The following MYO10 variants were observed in gnomAD, a reference collection of about 807,000 sequenced individuals.
The protein encoded by MYO10 is unconventional myosin-X.
Under a neutral mutation model 257.3 loss-of-function variants are expected in MYO10, and 133 were observed. The observed-to-expected ratio is 0.52, with a 90% CI of 0.45 to 0.60. The LOEUF (loss-of-function observed/expected upper bound fraction) is 0.60, where lower values mean the gene tolerates loss of function less well. Ranked by LOEUF, MYO10 falls within the 20% of genes least tolerant of loss-of-function variation. MYO10 has a pLI of 0.00. For synonymous variants in MYO10, 1,104 were observed against 1,028.6 expected (o/e 1.07, Z -1.40); for missense variants, 2,399 against 2,635.7 (o/e 0.91, Z 1.97).
At chr5:16,771,647 A>T (rs1028489112) in intron 9 of MYO10, among the ~76,000 whole-genome samples, 11 of 150,658 alleles carry the variant, frequency 7.3e-5, no homozygotes, top group African/African-American at 2.7e-4. Flanking sequence ...TGGTGTGATC[A>T]AGGCTCACTG....
intron 3 of MYO10, among the ~76,000 whole-genome samples, chr5:16,805,430 G>A (rs1020773004): frequency 7.8e-6 from 1 of 128,580 alleles, no homozygotes. Context: ...CTGCACTCTA[G>A]CCCGGGCAAC....
intron 9 of MYO10, among the ~76,000 whole-genome samples, chr5:16,774,745 T>A (rs1741166367): frequency 6.6e-6 from 1 of 152,148 alleles, no homozygotes; most frequent in Admixed American, 6.5e-5. Flanking sequence ...TCAAGTAATA[T>A]TATATTATTT....
chr5:16,888,323 G>A (rs1327325434), intron 1 of MYO10, among the ~76,000 whole-genome samples: 1 of 150,092 alleles, frequency 6.7e-6, no homozygotes, highest in Non-Finnish European at 1.5e-5. Context: ...GAGCCTCAGA[G>A]TTCAAGACCA....
At chr5:16,823,050 A>G (rs1742876532) in intron 2 of MYO10, among the ~76,000 whole-genome samples, 1 of 152,108 alleles carries the variant, frequency 6.6e-6, no homozygotes, top group African/African-American at 2.4e-5. Flanking sequence ...TTCTTAAGAG[A>G]GATTCTTGAA....
At chr5:16,690,880 A>G (rs943334623) in intron 27 of MYO10, among the ~76,000 whole-genome samples, 13 of 152,200 alleles carry the variant, frequency 8.5e-5, no homozygotes, top group African/African-American at 2.9e-4. Flanking sequence ...ATCAGGGTAA[A>G]ACAGCAGCAG....
chr5:16,778,107 C>A (rs1251439513), intron 9 of MYO10, among the ~76,000 whole-genome samples: 1 of 152,016 alleles, frequency 6.6e-6, no homozygotes, highest in African/African-American at 2.4e-5. Context: ...GCCTCACCCT[C>A]CCAAAGTGCT....
chr5:16,718,109 G>A (rs969206061), intron 19 of MYO10, among the ~76,000 whole-genome samples: 1 of 152,256 alleles, frequency 6.6e-6, no homozygotes, highest in African/African-American at 2.4e-5. Flanking sequence ...AGTGGCTGCG[G>A]AGGGTGTACT....
chr5:16,893,475 A>C (rs1161905909), intron 1 of MYO10, among the ~76,000 whole-genome samples: 8 of 151,638 alleles, frequency 5.3e-5, no homozygotes, highest in African/African-American at 1.9e-4. Context: ...CTCTACTAAG[A>C]ATACAAAAAT....
At chr5:16,917,583 G>A (rs1441914505) in intron 1 of MYO10, among the ~76,000 whole-genome samples, 1 of 152,008 alleles carries the variant, frequency 6.6e-6, no homozygotes, top group Admixed American at 6.6e-5. Context: ...GCAGGACATG[G>A]TGGGTCATGC....
intron 2 of MYO10, among the ~76,000 whole-genome samples, chr5:16,858,774 A>G (rs985917560): frequency 9.2e-5 from 14 of 152,124 alleles, no homozygotes; most frequent in East Asian, 7.7e-4. Context: ...CCTGGCCAAC[A>G]CGGTGAAACC....
chr5:16,773,814 T>C (rs972194806), intron 9 of MYO10, among the ~76,000 whole-genome samples: 10 of 134,730 alleles, frequency 7.4e-5, no homozygotes, highest in African/African-American at 2.4e-4. Context: ...AATGAACAAA[T>C]GTGTTTACTA....
intron 2 of MYO10, among the ~76,000 whole-genome samples, chr5:16,874,278 G>A (rs1744530369): frequency 7.1e-6 from 1 of 141,252 alleles, no homozygotes; most frequent in Non-Finnish European, 1.5e-5. Flanking sequence ...AGCTTGCAGT[G>A]AGCCGAGATC....
chr5:16,747,875 T>C (rs1027931287), intron 19 of MYO10, among the ~76,000 whole-genome samples: 32 of 125,028 alleles, frequency 2.6e-4, no homozygotes, highest in Middle Eastern at 7.2e-3. Context: ...GCCGAGATCG[T>C]GCCACTGCAC....
In MYO10 at chr5:16,666,749, G is replaced by T. The variant is rs969491126; in HGVS notation, c.6120C>A (p.Ile2040=). ...AKLMKAYISM[I]VKKRYSTTRS... ...GTGTCGTGCTGTAGCGCTTCTTCAC[G>T]ATCATGCTGATGTAGGCTTTCATGA... is the stretch of plus-strand genomic sequence containing the variant. Residue 2040 remains isoleucine (I), a synonymous_variant, in exon 41 of 41, where the codon ATC becomes ATA. Transcript: ENST00000513610. The T allele has an allele frequency of 1.2e-6, 2 of 1,608,166 alleles. No individual in the cohort carries two copies. Among genetic ancestry groups the T allele is most frequent in the Admixed American group, 1.7e-5 (1 of 59,594 alleles).
At position 16,702,572 on chromosome 5, in the gene MYO10, GCTCT is replaced by G. The variant is rs757225427; in HGVS notation, c.2523_2526del (p.Arg841SerfsTer33). On this transcript the variant is annotated frameshift_variant, in exon 24 of 41. Transcript: ENST00000513610. LOFTEE classifies it high-confidence loss of function. ...TGGGCGCGGAGCTCGGCTTCTCTTC[GCTCT>G]CTCTCTCTTTCTCTAAAAATAGTAA... The G allele has an allele frequency of 5.0e-6, 8 of 1,586,704 alleles. No individual in the cohort carries two copies. Among genetic ancestry groups the G allele is most frequent in the South Asian group, 2.3e-5 (2 of 86,496 alleles).
intron 4 of MYO10, among the ~76,000 whole-genome samples, chr5:16,788,778 T>C (rs1010301502): frequency 6.6e-6 from 1 of 151,726 alleles, no homozygotes; most frequent in African/African-American, 2.4e-5. Context: ...TGGGGCGCCA[T>C]GGTGGGGGGC....
chr5:16,736,839 CGGGATTTGTTTTGGCTCAGCAAAG>C (rs1339708154), intron 19 of MYO10, among the ~76,000 whole-genome samples: 1 of 152,116 alleles, frequency 6.6e-6, no homozygotes. Context: ...CATAATCCAG[CGGGATTTGTTTTGGCTCAGCAAAG>C]GGGATTTGTT....
intron 19 of MYO10, among the ~76,000 whole-genome samples, chr5:16,723,375 G>A (rs153182): frequency 0.72 from 108,438 of 151,482 alleles, 39,999 homozygotes; most frequent in East Asian, 0.81. Flanking sequence ...GTGACAGAGC[G>A]AGACTCTGTC....
At chr5:16,686,953 A>G (rs540663439) in intron 28 of MYO10, among the ~76,000 whole-genome samples, 88 of 152,310 alleles carry the variant, frequency 5.8e-4, no homozygotes, top group African/African-American at 2.0e-3. Flanking sequence ...GTAGAAAACT[A>G]TTTTGACCAG....
Sources: allele counts gnomAD v4.1 joint callset (sites outside exome capture counted in the v4.1 genomes callset), GRCh38; gene constraint gnomAD v4.1.1; transcripts MANE v1.5; gene names NCBI Gene and HGNC (gene_info 2026-07-23, HGNC 2026-07-21).